Variants in ADAMTS12 observed in about 807,000 individuals in gnomAD.
ADAMTS12 encodes the protein A disintegrin and metalloproteinase with thrombospondin motifs 12.
Under a neutral mutation model 167.8 loss-of-function variants are expected in ADAMTS12, and 118 were observed. That is an observed-to-expected ratio of 0.70 (90% CI 0.61 to 0.82). ADAMTS12 has a LOEUF of 0.82. ADAMTS12 is among the 40% of genes least tolerant of loss of function. ADAMTS12 has a pLI of 0.00. For synonymous variants in ADAMTS12, 704 were observed against 716.9 expected (o/e 0.98, Z 0.29); for missense variants, 1,916 against 1,998.8 (o/e 0.96, Z 0.79).
At chr5:33,680,386 C>T (rs1209634379) in intron 5 of ADAMTS12, among the ~76,000 whole-genome samples, 3 of 152,162 alleles carry the variant, frequency 2.0e-5, no homozygotes, top group African/African-American at 7.2e-5. Flanking sequence ...GTGGAAGCCA[C>T]ATTATGAAAT....
At chr5:33,669,765 TA>T (rs1216238280) in intron 5 of ADAMTS12, among the ~76,000 whole-genome samples, 1 of 151,332 alleles carries the variant, frequency 6.6e-6, no homozygotes, top group East Asian at 1.9e-4. Context: ...CTGGAGCAAC[TA>T]GATATCCACA....
In ADAMTS12 at chr5:33,637,589, T is replaced by A. The variant is rs1362805136; in HGVS notation, c.1876A>T (p.Ile626Phe). The A allele has an allele frequency of 6.2e-7, 1 of 1,613,038 alleles. No homozygotes were observed. Among genetic ancestry groups the A allele is most frequent in the Non-Finnish European group, 8.5e-7 (1 of 1,179,326 alleles). ...TACAGCTCCTTACCTGGGTTAAAAA[T>A]GGGAAACCAGTGGTAGAGTTCATTC... ...YKNELYHWFP[I>F]FNPAHPCELY... Residue 626 changes from isoleucine (I) to phenylalanine (F), a missense_variant, in exon 12 of 24, where the codon ATT becomes TTT. Coordinates refer to ENST00000504830, the MANE Select transcript of ADAMTS12 (RefSeq NM_030955.4).
chr5:33,811,335 G>T (rs554856789), intron 2 of ADAMTS12, among the ~76,000 whole-genome samples: 1 of 152,310 alleles, frequency 6.6e-6, no homozygotes, highest in Non-Finnish European at 1.5e-5. Flanking sequence ...TAGTTTTTTA[G>T]AAGGTAGTCA....
intron 3 of ADAMTS12, among the ~76,000 whole-genome samples, chr5:33,719,180 G>C (rs147679976): frequency 3.3e-5 from 5 of 152,272 alleles, no homozygotes; most frequent in African/African-American, 1.2e-4. Context: ...TAGATGGGTT[G>C]TGCCAATGGA....
chr5:33,868,510 A>AGAGGCATCGTG (rs1290076507), intron 2 of ADAMTS12, among the ~76,000 whole-genome samples: 3 of 152,206 alleles, frequency 2.0e-5, no homozygotes, highest in African/African-American at 7.2e-5. Flanking sequence ...CAAACAGGTT[A>AGAGGCATCGTG]GAGGCATCGT....
chr5:33,736,940 A>G (rs1310704153), intron 3 of ADAMTS12, among the ~76,000 whole-genome samples: 1 of 152,236 alleles, frequency 6.6e-6, no homozygotes, highest in East Asian at 1.9e-4. Flanking sequence ...AAAGGTTTTC[A>G]TGCCTTTTCA....
chr5:33,534,909 G>C lies in ADAMTS12; in HGVS notation c.4530C>G (p.Asp1510Glu), dbSNP rs1055868802. ...PSEGNKTEDQ[D>E]QCLCDHKPRP... ...TGGGTTTGTGATCACATAGACATTG[G>C]TCTTGGTCTTCAGTTTTATTGCCCT... The change falls in exon 23 of 24, where the codon GAC becomes GAG. Residue 1510 changes from aspartate to glutamate, a missense_variant. Asp to Glu is a conservative substitution (Grantham distance 45). Coordinates refer to ENST00000504830, the MANE Select transcript of ADAMTS12 (RefSeq NM_030955.4). 5.0e-6 allele frequency: 8 copies of C among 1,613,904 alleles called. No individual in the cohort carries two copies. The African/African-American group carries it at 1.1e-4, about 22-fold the overall frequency.
chr5:33,885,344 A>T (rs1750597796), intron 1 of ADAMTS12, among the ~76,000 whole-genome samples: 1 of 152,164 alleles, frequency 6.6e-6, no homozygotes, highest in South Asian at 2.1e-4. Context: ...TATTTTTATG[A>T]TGATGAGATT....
chr5:33,646,634 G>A (rs1390877587), intron 9 of ADAMTS12, among the ~76,000 whole-genome samples: 1 of 152,150 alleles, frequency 6.6e-6, no homozygotes, highest in Non-Finnish European at 1.5e-5. Context: ...GTGAAAGAAT[G>A]TGCCAGCCAT....
chr5:33,651,431 G>GAAAC (rs1487588278), intron 7 of ADAMTS12, among the ~76,000 whole-genome samples: 1 of 152,164 alleles, frequency 6.6e-6, no homozygotes, highest in Admixed American at 6.5e-5. Flanking sequence ...AATCAGTGAT[G>GAAAC]AAACAAACAA....
chr5:33,546,136 A>G lies in ADAMTS12; in HGVS notation c.4369T>C (p.Trp1457Arg), dbSNP rs1402652465. 1 of 1,614,088 alleles carries G rather than the reference A, an allele frequency of 6.2e-7. No individual in the cohort carries two copies. The highest frequency in any genetic ancestry group is 8.5e-7 in the Non-Finnish European group (1 of 1,179,996). ...ATGGTGGATGTGGGTCTTTTTGTCCAATCACAGAGGCCTCCTGGACAGAAC... is the reference window on the plus strand; with the variant it reads ...ATGGTGGATGTGGGTCTTTTTGTCCGATCACAGAGGCCTCCTGGACAGAAC... Reference protein sequence around the residue: ...GVFCPGGLCDWTKRPTSTMSC... With the variant: ...GVFCPGGLCDRTKRPTSTMSC... The change falls in exon 22 of 24, where the codon TGG (tryptophan) becomes CGG (arginine). Residue 1457 changes from tryptophan (W) to arginine (R), a missense_variant. By Grantham distance (101) the Trp-to-Arg change is moderately radical. Transcript: ENST00000504830.
intron 3 of ADAMTS12, among the ~76,000 whole-genome samples, chr5:33,720,280 T>TCACACACACACACA (rs201402268): frequency 2.2e-4 from 14 of 62,324 alleles, no homozygotes; most frequent in African/African-American, 6.1e-4. Context: ...TCTCTCTCTC[T>TCACACACACACACA]CACTCACACA....
chr5:33,621,142 G>A (rs573979676), intron 14 of ADAMTS12, among the ~76,000 whole-genome samples: 1 of 152,256 alleles, frequency 6.6e-6, no homozygotes, highest in South Asian at 2.1e-4. Context: ...CAGGATGCCT[G>A]TAATCCCAGC....
rs1741272772 is a variant in ADAMTS12 at position 33,661,898 on chromosome 5, A to G, written c.1040+18T>C. 3.1e-6 allele frequency: 5 copies of G among 1,612,708 alleles called. No individual in the cohort carries two copies. Among genetic ancestry groups the G allele is most frequent in the Non-Finnish European group, 4.2e-6 (5 of 1,179,258 alleles). On this transcript the variant is annotated intron_variant, in intron 6 of 23. Transcript: ENST00000504830. The stretch of plus-strand genomic sequence containing the variant: ...CCCTGCTTTACTGCCCCTGGGTTTC[A>G]TGTAGTCTCTGGTGTACCTGGTGAG...
At chr5:33,779,097 A>T (rs1746020128) in intron 2 of ADAMTS12, among the ~76,000 whole-genome samples, 1 of 152,118 alleles carries the variant, frequency 6.6e-6, no homozygotes. Context: ...AAACATTATG[A>T]AGGTTCCTTA....
rs113806862 is a variant in ADAMTS12, at chr5:33,596,021, C to T, written c.2567G>A (p.Arg856His). 1,164 of 1,614,034 alleles carry T rather than the reference C, an allele frequency of 7.2e-4. 9 individuals carry two copies. The African/African-American group carries it at 0.013, about 19-fold the overall frequency. ...RQTAHCIKKG[R>H]GMVKATFCDP... ...ACAGAATGTAGCTTTCACCATCCCG[C>T]GGCCCTTCTTTATGCAATGGGCAGT... The change falls in exon 17 of 24, where the codon CGC becomes CAC. Residue 856 changes from arginine to histidine, a missense_variant. Transcript: ENST00000504830.
chr5:33,608,665 T>C (rs886747567), intron 16 of ADAMTS12, among the ~76,000 whole-genome samples: 1 of 151,942 alleles, frequency 6.6e-6, no homozygotes, highest in African/African-American at 2.4e-5. Flanking sequence ...CACCCAGAGG[T>C]ACAGACAAAG....
intron 2 of ADAMTS12, among the ~76,000 whole-genome samples, chr5:33,752,900 T>A (rs924913534): frequency 2.0e-5 from 3 of 152,202 alleles, no homozygotes; most frequent in African/African-American, 7.2e-5. Context: ...TGGGAGTCTT[T>A]CCAAAATGTT....
chr5:33,822,912 C>T (rs1029307344), intron 2 of ADAMTS12, among the ~76,000 whole-genome samples: 9 of 151,796 alleles, frequency 5.9e-5, no homozygotes, highest in Admixed American at 5.9e-4. Flanking sequence ...CTTGGCAAGA[C>T]TCCAACTCTA....
Sources: allele counts gnomAD v4.1 joint callset (sites outside exome capture counted in the v4.1 genomes callset), GRCh38; gene constraint gnomAD v4.1.1; transcripts MANE v1.5; gene names NCBI Gene and HGNC (gene_info 2026-07-23, HGNC 2026-07-21).